Variants in GPC6 observed in about 807,000 individuals in gnomAD.
The protein encoded by GPC6 is glypican 6, also known as glypican-6.
GPC6 carries 14 observed loss-of-function variants against 55.2 expected under a neutral mutation model. That is an observed-to-expected ratio of 0.25 (90% CI 0.17 to 0.40). The LOEUF (loss-of-function observed/expected upper bound fraction) is 0.40. GPC6 is among the 10% of genes least tolerant of loss of function. The probability of loss-of-function intolerance (pLI) is 1.00; values close to 1 mark genes in which losing one functional copy is unlikely to be tolerated. For missense variants in GPC6, 641 were observed against 708.5 expected (o/e 0.90, Z 1.08); for synonymous variants, 278 against 259.6 (o/e 1.07, Z -0.68).
At chr13:93,465,173 G>A (rs1021558663) in intron 1 of GPC6, among the ~76,000 whole-genome samples, 2 of 152,262 alleles carry the variant, frequency 1.3e-5, no homozygotes, top group Admixed American at 6.5e-5. Flanking sequence ...AATTCCTAAG[G>A]TACCTATGAT....
intron 4 of GPC6, among the ~76,000 whole-genome samples, chr13:94,036,514 A>G (rs1239787965): frequency 6.6e-6 from 1 of 152,032 alleles, no homozygotes; most frequent in Non-Finnish European, 1.5e-5. Flanking sequence ...TAGAAACATA[A>G]CAGCGATAAT....
At chr13:93,243,060 T>C (rs1194552271) in intron 1 of GPC6, among the ~76,000 whole-genome samples, 1 of 152,178 alleles carries the variant, frequency 6.6e-6, no homozygotes, top group Non-Finnish European at 1.5e-5. Context: ...CCCAATATAA[T>C]GCCCTCGAGA....
intron 2 of GPC6, among the ~76,000 whole-genome samples, chr13:93,693,850 G>T (rs1026033438): frequency 1.3e-5 from 2 of 152,122 alleles, no homozygotes; most frequent in African/African-American, 4.8e-5. Context: ...TAGGAGTACT[G>T]AGAATTATGC....
intron 4 of GPC6, among the ~76,000 whole-genome samples, chr13:94,204,762 A>T (rs1194038169): frequency 2.0e-5 from 3 of 152,198 alleles, no homozygotes; most frequent in Non-Finnish European, 4.4e-5. Flanking sequence ...AATTAATCAT[A>T]TTCCAATTTT....
At chr13:94,233,733 A>C (rs1346462082) in intron 4 of GPC6, among the ~76,000 whole-genome samples, 2 of 152,144 alleles carry the variant, frequency 1.3e-5, no homozygotes, top group African/African-American at 4.8e-5. Context: ...TAATGACCCA[A>C]AGGTACAAGA....
At chr13:94,041,823 T>C (rs567724368) in intron 4 of GPC6, among the ~76,000 whole-genome samples, 8 of 152,018 alleles carry the variant, frequency 5.3e-5, no homozygotes, top group African/African-American at 1.9e-4. Flanking sequence ...AGTCAAATTA[T>C]TTTTTAGCAT....
chr13:93,386,064 C>A (rs1875386696), intron 1 of GPC6, among the ~76,000 whole-genome samples: 1 of 140,568 alleles, frequency 7.1e-6, no homozygotes. Flanking sequence ...ACTGGGTAAT[C>A]TGGGATACAG....
intron 4 of GPC6, among the ~76,000 whole-genome samples, chr13:94,150,840 A>ATATATATATAT (rs1555301329): frequency 6.8e-6 from 1 of 146,250 alleles, no homozygotes; most frequent in Non-Finnish European, 1.5e-5. Flanking sequence ...ATGTTTATTG[A>ATATATATATAT]ATGAGTAAAT....
At chr13:93,389,800 AAC>A (rs1875547538) in intron 1 of GPC6, among the ~76,000 whole-genome samples, 1 of 152,120 alleles carries the variant, frequency 6.6e-6, no homozygotes, top group Non-Finnish European at 1.5e-5. Context: ...CAGAAAAAAA[AAC>A]AGTTGGGATA....
At chr13:94,261,704 G>C (rs375569571) in intron 4 of GPC6, among the ~76,000 whole-genome samples, 14 of 152,308 alleles carry the variant, frequency 9.2e-5, no homozygotes, top group African/African-American at 3.1e-4. Flanking sequence ...AGGAGACAGA[G>C]ACATAGAGCC....
intron 2 of GPC6, among the ~76,000 whole-genome samples, chr13:93,561,404 G>GAGATATATATATATAT (rs968221822): frequency 3.8e-5 from 4 of 104,662 alleles, no homozygotes; most frequent in African/African-American, 1.7e-4. Context: ...TATCCCTATC[G>GAGATATATATATATAT]ATATATATAT....
intron 3 of GPC6, among the ~76,000 whole-genome samples, chr13:93,934,348 C>T (rs1026836566): frequency 6.6e-6 from 1 of 152,120 alleles, no homozygotes; most frequent in African/African-American, 2.4e-5. Context: ...CTCTTGATTA[C>T]ATATTGAAAT....
At chr13:93,395,090 A>T (rs1436958430) in intron 1 of GPC6, 1 of 267,622 alleles carries the variant, frequency 3.7e-6, no homozygotes, top group African/African-American at 2.3e-5. Context: ...ATCATTGCAG[A>T]TTACACAACT....
At position 94,404,460 on chromosome 13, in the gene GPC6, T is replaced by C. The variant is rs1324930179; in HGVS notation, c.*1243T>C. 1.3e-5 allele frequency: 2 copies of C among 152,252 alleles called. No homozygotes were observed. Among genetic ancestry groups the C allele is most frequent in the Non-Finnish European group, 2.9e-5 (2 of 68,046 alleles). The allele number at this position is 152,252 out of a possible 1,614,324, so 9.4% of individuals were successfully genotyped here. On this transcript the variant is annotated 3_prime_UTR_variant, in exon 9 of 9. Coordinates refer to ENST00000377047, the MANE Select transcript of GPC6 (RefSeq NM_005708.5). The stretch of plus-strand genomic sequence containing the variant: ...GACACACCTTTGTAAGAAAATGTTT[T>C]GTCAACCAGCTCTTCTTGTTTTGTG...
intron 2 of GPC6, among the ~76,000 whole-genome samples, chr13:93,612,178 T>C (rs1878495407): frequency 6.6e-6 from 1 of 152,174 alleles, no homozygotes; most frequent in Admixed American, 6.6e-5. Context: ...TATAGTTTCC[T>C]TATTATAGAA....
At chr13:93,952,864 GTATATATATACATATATA>G (rs1285202076) in intron 3 of GPC6, among the ~76,000 whole-genome samples, 1 of 106,984 alleles carries the variant, frequency 9.3e-6, no homozygotes, top group Non-Finnish European at 2.1e-5. Flanking sequence ...GTATATATAT[GTATATATATACATATATA>G]TATGTGTGAT....
intron 1 of GPC6, among the ~76,000 whole-genome samples, chr13:93,517,340 T>C (rs1881243161): frequency 6.6e-6 from 1 of 152,088 alleles, no homozygotes; most frequent in East Asian, 1.9e-4. Context: ...AGCCTCCTTT[T>C]CAGGCAACCA....
intron 3 of GPC6, among the ~76,000 whole-genome samples, chr13:93,955,581 T>C (rs1260161271): frequency 6.6e-6 from 1 of 152,048 alleles, no homozygotes; most frequent in Non-Finnish European, 1.5e-5. Flanking sequence ...TAGGCAACAC[T>C]ATACTACTTT....
At chr13:94,205,192 A>G (rs886375027) in intron 4 of GPC6, among the ~76,000 whole-genome samples, 2 of 152,104 alleles carry the variant, frequency 1.3e-5, no homozygotes, top group African/African-American at 4.8e-5. Context: ...TGGTTCTCTA[A>G]TTTTACCTAC....
Sources: allele counts gnomAD v4.1 joint callset (sites outside exome capture counted in the v4.1 genomes callset), GRCh38; gene constraint gnomAD v4.1.1; transcripts MANE v1.5; gene names NCBI Gene and HGNC (gene_info 2026-07-23, HGNC 2026-07-21).